EZH2: variants seen among roughly 807,000 people sequenced by gnomAD.
EZH2 encodes the protein enhancer of zeste 2 polycomb repressive complex 2 subunit.
EZH2 carries 18 observed loss-of-function variants against 98.4 expected under a neutral mutation model. The observed-to-expected ratio is 0.18, with a 90% confidence interval of 0.13 to 0.27. EZH2 has a LOEUF of 0.27. Ranked by LOEUF, EZH2 falls within the 10% of genes least tolerant of loss-of-function variation. The probability of loss-of-function intolerance (pLI) is 1.00; values close to 1 mark genes in which losing one functional copy is unlikely to be tolerated. For synonymous variants in EZH2, 338 were observed against 312.3 expected, an observed-to-expected ratio of 1.08 and a Z score of -0.87; for missense variants, 470 against 935.1, an observed-to-expected ratio of 0.50 and a Z score of 6.49.
intron 8 of EZH2, 56 bp from the exon 9 acceptor site, chr7:148,819,743 A>C: frequency 1.4e-6 from 2 of 1,479,666 alleles, no homozygotes; most frequent in Non-Finnish European, 1.9e-6. Flanking sequence ...TTACTTTTTC[A>C]CTCTTCCAGT....
intron 6 of EZH2, 36 bp downstream of exon 6, chr7:148,828,704 G>A (rs1808455433): frequency 6.3e-7 from 1 of 1,592,640 alleles, no homozygotes; most frequent in African/African-American, 1.4e-5. Flanking sequence ...AAAGAAAGCT[G>A]TAATGGCTAC....
At chr7:148,833,033 G>T (rs551998311) in intron 3 of EZH2, among the ~76,000 whole-genome samples, 1 of 152,056 alleles carries the variant, frequency 6.6e-6, no homozygotes, top group Non-Finnish European at 1.5e-5. Flanking sequence ...GAGATTCAGC[G>T]ATCTGATTAA....
intron 3 of EZH2, among the ~76,000 whole-genome samples, chr7:148,844,571 C>G (rs559652328): frequency 6.6e-6 from 1 of 152,224 alleles, no homozygotes; most frequent in East Asian, 1.9e-4. Context: ...CCCCCATACT[C>G]TGTGAAAATG....
chr7:148,871,424 AAG>A (rs1491017262), intron 1 of EZH2, among the ~76,000 whole-genome samples: 3 of 149,260 alleles, frequency 2.0e-5, no homozygotes, highest in Non-Finnish European at 4.4e-5. Flanking sequence ...AAAAAAAAAA[AAG>A]AAGAGGAAGA....
rs2129477011 is a variant in EZH2 at position 148,829,826 on chromosome 7, T to C, written c.386A>G (p.His129Arg). Residue 129 changes from histidine to arginine, a missense_variant, in exon 5 of 20, where the codon CAT becomes CGT. Physicochemically the swap from His to Arg is conservative, Grantham distance 29. This residue lies in a region of EZH2 where 21 missense variants were observed against 84.2 expected (regional missense o/e 0.25). Transcript: ENST00000320356. ...TTCATCTCCCATATAAGGAATGTTA[T>C]GTAAAACAGTTTCATCTTCCACCTA... Reference protein sequence around the residue: ...NFMVEDETVLHNIPYMGDEVL... With the variant: ...NFMVEDETVLRNIPYMGDEVL... 1 of 1,585,706 alleles carries C rather than the reference T, an allele frequency of 6.3e-7. No homozygotes were observed. Among genetic ancestry groups the C allele is most frequent in the Non-Finnish European group, 8.6e-7 (1 of 1,164,354 alleles).
chr7:148,843,985 C>T (rs1476335715), intron 3 of EZH2, among the ~76,000 whole-genome samples: 2 of 152,184 alleles, frequency 1.3e-5, no homozygotes, highest in Admixed American at 1.3e-4. Context: ...AAGACACCAG[C>T]ACTTACATAT....
chr7:148,883,581 G>GCC (rs1278733799), intron 1 of EZH2: 2 of 150,126 alleles, frequency 1.3e-5, no homozygotes, highest in Non-Finnish European at 3.0e-5. Context: ...CGAGGGCCGA[G>GCC]CCCTGCCCAC....
intron 1 of EZH2, among the ~76,000 whole-genome samples, chr7:148,867,292 G>T (rs116873962): frequency 0.11 from 16,408 of 151,932 alleles, 1,096 homozygotes; most frequent in Non-Finnish European, 0.15. Flanking sequence ...CACCATTGTA[G>T]TCCAGCCTGG....
chr7:148,819,159 TAAA>T (rs879469805), intron 9 of EZH2: 2 of 346,460 alleles, frequency 5.8e-6, no homozygotes, highest in South Asian at 2.2e-5. Context: ...CTCCATCATT[TAAA>T]AAAAAAAAAT....
chr7:148,810,206 C>CA (rs1217990601), intron 17 of EZH2, 127 bp downstream of exon 17: 2 of 581,742 alleles, frequency 3.4e-6, no homozygotes, highest in Non-Finnish European at 6.3e-6. Flanking sequence ...AGCAGCCCCC[C>CA]ATGCCTCTAA....
At chr7:148,817,160 C>T (rs977773331) in intron 11 of EZH2, 62 bp downstream of exon 11, 41 of 1,453,234 alleles carry the variant, frequency 2.8e-5, no homozygotes, top group South Asian at 1.4e-4. Flanking sequence ...GTTTGGACAA[C>T]GAGTACAGTT....
At chr7:148,872,179 G>C (rs973679451) in intron 1 of EZH2, among the ~76,000 whole-genome samples, 4 of 152,128 alleles carry the variant, frequency 2.6e-5, no homozygotes, top group Non-Finnish European at 5.9e-5. Flanking sequence ...TCTGTCACAT[G>C]CTACAACATG....
At chr7:148,821,980 C>T (rs1449416916) in intron 8 of EZH2, among the ~76,000 whole-genome samples, 2 of 151,982 alleles carry the variant, frequency 1.3e-5, no homozygotes, top group Non-Finnish European at 2.9e-5. Context: ...TGGCAACAGG[C>T]AATGAAGGAA....
intron 3 of EZH2, among the ~76,000 whole-genome samples, chr7:148,839,789 T>C (rs755135570): frequency 3.3e-5 from 5 of 152,104 alleles, no homozygotes; most frequent in Non-Finnish European, 7.4e-5. Context: ...TCAAAAGGTC[T>C]GCCCACCTTG....
At chr7:148,836,758 C>A in intron 3 of EZH2, 1 of 448,630 alleles carries the variant, frequency 2.2e-6, no homozygotes. Context: ...AAGGATGCTA[C>A]ATTTTCAGAG....
At chr7:148,808,978 A>G (rs1484304543) in intron 19 of EZH2, 93 bp downstream of exon 19, 2 of 977,364 alleles carry the variant, frequency 2.0e-6, no homozygotes, top group Non-Finnish European at 3.2e-6. Context: ...ACCCATCAAA[A>G]GAAGCAAAGA....
intron 8 of EZH2, among the ~76,000 whole-genome samples, chr7:148,824,327 A>G (rs57911710): frequency 6.6e-6 from 1 of 151,626 alleles, no homozygotes; most frequent in East Asian, 1.9e-4. Context: ...AAAAAAAAAA[A>G]AACAACAACA....
chr7:148,827,894 G>T (rs1025278404), intron 6 of EZH2, among the ~76,000 whole-genome samples: 2 of 152,198 alleles, frequency 1.3e-5, no homozygotes, highest in Non-Finnish European at 2.9e-5. Flanking sequence ...GAGGCAGGTG[G>T]ATCACGAGGT....
intron 7 of EZH2, 30 bp downstream of exon 7, chr7:148,827,134 C>A: frequency 2.6e-6 from 4 of 1,565,248 alleles, no homozygotes; most frequent in South Asian, 1.1e-5. Context: ...CCATACAGGG[C>A]AAGATTGCCT....
Sources: gnomAD v4.1 joint callset for allele counts (sites outside exome capture counted in the v4.1 genomes callset) on GRCh38, gnomAD v4.1.1 for gene constraint, gnomAD v4.1.1 regional missense constraint, MANE v1.5 for transcripts, NCBI Gene and HGNC (gene_info 2026-07-23, HGNC 2026-07-21) for gene names.